GSG1L: variants seen among roughly 807,000 people sequenced by gnomAD.
GSG1L encodes the protein germ cell-specific gene 1-like protein.
GSG1L carries 24 observed loss-of-function variants against 42.1 expected under a neutral mutation model. The observed-to-expected ratio is 0.57, with a 90% CI of 0.41 to 0.80. The LOEUF (loss-of-function observed/expected upper bound fraction) is 0.80, where lower values mean the gene tolerates loss of function less well. GSG1L is among the 30% of genes least tolerant of loss of function. GSG1L has a pLI of 0.00. For missense variants in GSG1L, 445 were observed against 472.2 expected (o/e 0.94, Z 0.53); for synonymous variants, 215 against 203.5 (o/e 1.06, Z -0.48).
intron 2 of GSG1L, among the ~76,000 whole-genome samples, chr16:27,923,597 C>T (rs1469061600): frequency 6.6e-6 from 1 of 152,004 alleles, no homozygotes; most frequent in Non-Finnish European, 1.5e-5. Context: ...CAAAAATTAG[C>T]CAGGCATGGT....
At chr16:28,006,401 C>G (rs759085920) in intron 1 of GSG1L, among the ~76,000 whole-genome samples, 1 of 150,776 alleles carries the variant, frequency 6.6e-6, no homozygotes, top group South Asian at 2.1e-4. Context: ...CTCTGCCTCC[C>G]GGGTTCAAGG....
At chr16:28,043,139 T>C (rs1209110429) in intron 1 of GSG1L, among the ~76,000 whole-genome samples, 2 of 152,236 alleles carry the variant, frequency 1.3e-5, no homozygotes, top group Non-Finnish European at 2.9e-5. Context: ...TGTTTCTTTC[T>C]TTTCTGTGTC....
At chr16:27,849,421 G>A (rs1008331599) in intron 3 of GSG1L, among the ~76,000 whole-genome samples, 1 of 152,206 alleles carries the variant, frequency 6.6e-6, no homozygotes, top group Non-Finnish European at 1.5e-5. Flanking sequence ...TGTGGAGACA[G>A]TGATTGTAAG....
chr16:27,932,447 A>G (rs2084667346), intron 2 of GSG1L, among the ~76,000 whole-genome samples: 1 of 152,184 alleles, frequency 6.6e-6, no homozygotes, highest in Non-Finnish European at 1.5e-5. Context: ...CAGGAAACTT[A>G]CAATCATAGC....
intron 4 of GSG1L, among the ~76,000 whole-genome samples, chr16:27,836,959 C>T (rs1050248199): frequency 1.3e-5 from 2 of 152,170 alleles, no homozygotes; most frequent in African/African-American, 4.8e-5. Context: ...TAGTTGGCTT[C>T]CTTTCACATC....
intron 5 of GSG1L, among the ~76,000 whole-genome samples, chr16:27,811,813 T>A (rs779690246): frequency 2.8e-4 from 43 of 152,160 alleles, no homozygotes; most frequent in Admixed American, 3.9e-4. Context: ...CATGTTTGGT[T>A]ATTTTTTTTA....
Position 27,982,763 on chromosome 16 carries a change from A to G in GSG1L, c.350-19560T>C, listed in dbSNP as rs1330833773. On this transcript the variant is annotated intron_variant, in intron 1 of 6. Transcript: ENST00000447459. Reference sequence around the variant, plus strand: ...AGTAGGCGTATCACATGGTGAGAGCAGGAGCAAGAGAGAGGAGAGGACCTT... The same window carrying G: ...AGTAGGCGTATCACATGGTGAGAGCGGGAGCAAGAGAGAGGAGAGGACCTT... Among the ~76,000 whole-genome samples, 7 of 152,310 alleles carry G rather than the reference A, an allele frequency of 4.6e-5. No homozygotes were observed. The South Asian group carries it at 8.3e-4, about 18-fold the overall frequency.
intron 1 of GSG1L, among the ~76,000 whole-genome samples, chr16:28,032,783 C>T (rs113551989): frequency 0.023 from 3,440 of 152,270 alleles, 149 homozygotes; most frequent in African/African-American, 0.078. Flanking sequence ...AATTTGTCAG[C>T]AGATCCTATT....
chr16:27,938,213 G>T (rs892016619), intron 2 of GSG1L, among the ~76,000 whole-genome samples: 4 of 151,924 alleles, frequency 2.6e-5, no homozygotes, highest in African/African-American at 4.8e-5. Context: ...TATGGGTGGG[G>T]GATGGGGAGT....
intron 6 of GSG1L, among the ~76,000 whole-genome samples, chr16:27,804,008 T>G (rs1052654178): frequency 6.8e-6 from 1 of 146,800 alleles, no homozygotes; most frequent in Non-Finnish European, 1.5e-5. Flanking sequence ...GAATAATAGA[T>G]GGATGATGGA....
intron 2 of GSG1L, among the ~76,000 whole-genome samples, chr16:27,903,929 G>A (rs1187159681): frequency 6.6e-6 from 1 of 152,068 alleles, no homozygotes; most frequent in Non-Finnish European, 1.5e-5. Context: ...TTTCGACCCT[G>A]TCTTCTGCCC....
At chr16:27,848,266 G>A (rs1038816739) in intron 3 of GSG1L, among the ~76,000 whole-genome samples, 6 of 152,156 alleles carry the variant, frequency 3.9e-5, no homozygotes, top group Admixed American at 6.5e-5. Context: ...TGAATCCCCA[G>A]CGCCAAGCCC....
At chr16:27,824,294 C>T (rs143631301) in intron 5 of GSG1L, among the ~76,000 whole-genome samples, 12 of 152,350 alleles carry the variant, frequency 7.9e-5, no homozygotes, top group African/African-American at 7.2e-5. Flanking sequence ...CAGCGCCTCA[C>T]CCCAAATTAC....
chr16:27,820,197 A>G (rs1276400905), intron 5 of GSG1L, among the ~76,000 whole-genome samples: 1 of 152,172 alleles, frequency 6.6e-6, no homozygotes, highest in Non-Finnish European at 1.5e-5. Flanking sequence ...AACACCAAGG[A>G]AGCAACTGCA....
At chr16:27,948,665 A>G (rs1480121642) in intron 2 of GSG1L, among the ~76,000 whole-genome samples, 4 of 146,492 alleles carry the variant, frequency 2.7e-5, no homozygotes, top group East Asian at 4.0e-4. Context: ...GCTGGAGTGC[A>G]ATGGCTCAAT....
intron 1 of GSG1L, among the ~76,000 whole-genome samples, chr16:28,011,458 G>T (rs549712168): frequency 2.9e-4 from 44 of 152,356 alleles, no homozygotes; most frequent in South Asian, 2.1e-4. Flanking sequence ...TGTGAGGACC[G>T]TGATGAACTG....
intron 1 of GSG1L, among the ~76,000 whole-genome samples, chr16:27,964,172 A>G (rs565684016): frequency 2.4e-4 from 36 of 152,254 alleles, no homozygotes; most frequent in Non-Finnish European, 4.3e-4. Context: ...TCTACTAAAA[A>G]TACAAAAACT....
At chr16:27,799,544 C>CA (rs1283591364) in intron 6 of GSG1L, among the ~76,000 whole-genome samples, 2 of 151,914 alleles carry the variant, frequency 1.3e-5, no homozygotes, top group East Asian at 1.9e-4. Flanking sequence ...AACCTTATCT[C>CA]AAAAAACAAA....
At chr16:27,808,971 G>C (rs536560377) in intron 5 of GSG1L, among the ~76,000 whole-genome samples, 2 of 152,180 alleles carry the variant, frequency 1.3e-5, no homozygotes, top group Admixed American at 1.3e-4. Context: ...GGCTGGGCCC[G>C]AGAACCGGTG....
Sources: allele counts gnomAD v4.1 joint callset (sites outside exome capture counted in the v4.1 genomes callset), GRCh38; gene constraint gnomAD v4.1.1; transcripts MANE v1.5; gene names NCBI Gene and HGNC (gene_info 2026-07-23, HGNC 2026-07-21).